The following TAGAP variants were observed in gnomAD, a reference collection of about 807,000 sequenced individuals.
TAGAP encodes the protein T cell activation RhoGTPase activating protein, also known as T-cell activation Rho GTPase-activating protein.
A neutral mutation model predicts 36.0 loss-of-function variants in TAGAP; 16 were observed. That is an observed-to-expected ratio of 0.44 (90% CI 0.30 to 0.68). The LOEUF is 0.68. TAGAP is among the 30% of genes least tolerant of loss of function. The pLI is 0.09. For missense variants in TAGAP, 794 were observed against 921.5 expected, an observed-to-expected ratio of 0.86 and a Z score of 1.79; for synonymous variants, 372 against 377.4, an observed-to-expected ratio of 0.99 and a Z score of 0.17.
Position 159,036,089 on chromosome 6 carries a change from T to A in TAGAP, c.1934A>T (p.Asp645Val), listed in dbSNP as rs773293336. Residue 645 changes from aspartate (D) to valine (V), a missense_variant, in exon 10 of 10, where the codon GAC (aspartate) becomes GTC (valine). Physicochemically the swap from Asp to Val is radical, Grantham distance 152. Transcript: ENST00000367066. This position sits in a 1 kb window ranked among gnomAD's most constrained non-coding sequence, Gnocchi z 4.9. ...PPLPPAHHVE[D>V]SRHRGSKEPL... ...CTCTTTGCTGCCCCTGTGTCTTGAG[T>A]CCTCTACGTGGTGAGCAGGTGGAAG... 6.2e-7 allele frequency: 1 copy of A among 1,613,348 alleles called. No homozygotes were observed. Among genetic ancestry groups the A allele is most frequent in the Admixed American group, 1.7e-5 (1 of 59,978 alleles).
At position 159,044,120 on chromosome 6, in the gene TAGAP, A is replaced by G. The variant is rs1446419442; in HGVS notation, c.27T>C (p.Ala9=). ...GAATGAATGTGAGAGGGGCACTCACAGCATTGTGGCTGCTTCTCAGCTTCA... is the reference window on the plus strand; with the variant it reads ...GAATGAATGTGAGAGGGGCACTCACGGCATTGTGGCTGCTTCTCAGCTTCA... MKLRSSHN[A]SKTLNANNME... The change falls in exon 2 of 10, where the codon GCT becomes GCC. Residue 9 remains alanine (A), a splice_region_variant and synonymous_variant. Coordinates refer to ENST00000367066, the MANE Select transcript of TAGAP (RefSeq NM_054114.5). 6.2e-7 allele frequency: 1 copy of G among 1,613,974 alleles called. No homozygotes were observed. The highest frequency in any genetic ancestry group is 1.7e-5 in the Admixed American group (1 of 59,960).
At chr6:159,043,727 C>T in intron 3 of TAGAP, 72 bp from the exon 4 acceptor site, 12 of 1,413,072 alleles carry the variant, frequency 8.5e-6, no homozygotes, top group Non-Finnish European at 1.2e-5. Flanking sequence ...ACAAAACACA[C>T]ATACAGCATT....
chr6:159,035,853 G>A lies in TAGAP; in HGVS notation c.2170C>T (p.Gln724Ter). Residue 724 changes from glutamine (Q) to a stop codon, truncating the protein, a stop_gained, in exon 10 of 10, where the codon CAA (glutamine) becomes TAA (stop). Coordinates refer to ENST00000367066, the MANE Select transcript of TAGAP (RefSeq NM_054114.5). LOFTEE classifies it high-confidence loss of function. ...SQPVFEADQF[Q>*]YAKESYI Reference sequence around the variant, plus strand: ...TAAATATACGATTCTTTGGCATATTGGAATTGGTCAGCCTCAAAGACCGGC... The same window carrying A: ...TAAATATACGATTCTTTGGCATATTAGAATTGGTCAGCCTCAAAGACCGGC... 1 of 1,603,196 alleles carries A rather than the reference G, an allele frequency of 6.2e-7. No homozygotes were observed. Among genetic ancestry groups the A allele is most frequent in the Middle Eastern group, 1.7e-4 (1 of 6,036 alleles).
chr6:159,039,117 G>A lies in TAGAP; in HGVS notation c.780C>T (p.Asn260=). 1.2e-6 allele frequency: 2 copies of A among 1,614,200 alleles called. No homozygotes were observed. The highest frequency in any genetic ancestry group is 2.2e-5 in the South Asian group (2 of 91,082). The stretch of plus-strand genomic sequence containing the variant: ...CTCATCAGTAAGCAGAACAAACCTT[G>A]TTGTTCAGGTCCTTCTGGGCTTCAA... ...LSFEAQKDLN[N]KVKTLVEFLI... Residue 260 remains asparagine (N), a synonymous_variant, in exon 8 of 10, where the codon AAC becomes AAT. Transcript: ENST00000367066.
At chr6:159,038,849 AAG>A in intron 8 of TAGAP, 1 of 1,306,692 alleles carries the variant, frequency 7.7e-7, no homozygotes, top group Non-Finnish European at 9.9e-7. Context: ...ACAAAAACAA[AAG>A]GGCTTTTTTA....
In TAGAP at chr6:159,036,205, T is replaced by C; in HGVS notation, c.1818A>G (p.Arg606=). 6.2e-7 allele frequency: 1 copy of C among 1,610,542 alleles called. No individual in the cohort carries two copies. Among genetic ancestry groups the C allele is most frequent in the Non-Finnish European group, 8.5e-7 (1 of 1,178,670 alleles). ...CGGTCTGGCTCTCGGAGGCCACTAG[T>C]CTGGCTGCCGGGCCCTGCATGGCCT... The part of the protein sequence containing the change: ...YEEAMQGPAA[R]LVASESQTVG... Residue 606 remains arginine (R), a synonymous_variant, in exon 10 of 10, where the codon AGA becomes AGG. Coordinates refer to ENST00000367066, the MANE Select transcript of TAGAP (RefSeq NM_054114.5). This position sits in a 1 kb window ranked among gnomAD's most constrained non-coding sequence, Gnocchi z 4.9.
At chr6:159,044,764 T>G in intron 1 of TAGAP, 115 bp downstream of exon 1, 1 of 393,830 alleles carries the variant, frequency 2.5e-6, no homozygotes, top group East Asian at 3.6e-5. Flanking sequence ...TGAGACTTTA[T>G]AAAGTGAGAG....
chr6:159,038,626 G>A (rs1430746490), intron 8 of TAGAP, among the ~76,000 whole-genome samples: 1 of 152,044 alleles, frequency 6.6e-6, no homozygotes, highest in Non-Finnish European at 1.5e-5. Context: ...CTGAGCTCAG[G>A]CAATTCGCCT....
chr6:159,044,593 G>T (rs901539994), intron 1 of TAGAP, among the ~76,000 whole-genome samples: 21 of 151,506 alleles, frequency 1.4e-4, no homozygotes, highest in African/African-American at 4.6e-4. Flanking sequence ...GCCAGCTGTC[G>T]TAGTAGGTGC....
In TAGAP at chr6:159,041,345, TG is replaced by T; in HGVS notation, c.477+8del. ...GGCAGGTTATTTGGCGCAAGTGTGT[TG>T]AACTCACCTTAAAGACCACAGCGAG... is the stretch of plus-strand genomic sequence containing the variant. On this transcript the variant is annotated splice_region_variant and intron_variant, in intron 6 of 9. Coordinates refer to ENST00000367066, the MANE Select transcript of TAGAP (RefSeq NM_054114.5). This position sits in a 1 kb window ranked among gnomAD's most constrained non-coding sequence, Gnocchi z 4.1. 6.2e-7 allele frequency: 1 copy of T among 1,612,536 alleles called. No individual in the cohort carries two copies. Among genetic ancestry groups the T allele is most frequent in the Non-Finnish European group, 8.5e-7 (1 of 1,179,618 alleles).
At chr6:159,043,504 T>C in intron 4 of TAGAP, 85 bp downstream of exon 4, 1 of 1,287,724 alleles carries the variant, frequency 7.8e-7, no homozygotes, top group Non-Finnish European at 1.1e-6. Context: ...AAATTCCTAG[T>C]AGAGTAAAAG....
intron 1 of TAGAP, among the ~76,000 whole-genome samples, chr6:159,044,599 G>T (rs1470668638): frequency 6.6e-6 from 1 of 151,508 alleles, no homozygotes; most frequent in African/African-American, 2.4e-5. Context: ...TGTCGTAGTA[G>T]GTGCTTTGCA....
chr6:159,044,055 G>A, intron 2 of TAGAP, 24 bp from the exon 3 acceptor site: 1 of 1,613,472 alleles, frequency 6.2e-7, no homozygotes, highest in Non-Finnish European at 8.5e-7. Flanking sequence ...AATAAAATTA[G>A]GTAAATATCT....
chr6:159,044,059 A>G (rs2114802862), intron 2 of TAGAP, 28 bp from the exon 3 acceptor site: 1 of 1,613,674 alleles, frequency 6.2e-7, no homozygotes, highest in South Asian at 1.1e-5. Context: ...AAATTAGGTA[A>G]ATATCTTTTG....
At position 159,042,250 on chromosome 6, in the gene TAGAP, G is replaced by A. The variant is rs1378038507; in HGVS notation, c.149-6C>T. 1.2e-6 allele frequency: 2 copies of A among 1,603,908 alleles called. No individual in the cohort carries two copies. The highest frequency in any genetic ancestry group is 1.3e-5 in the African/African-American group (1 of 74,108). Reference sequence around the variant, plus strand: ...CTTCTTTCTCTTCTTAACTTCTACAGCCAAGAAAACAAGGCAACGAGAAAA... The same window carrying A: ...CTTCTTTCTCTTCTTAACTTCTACAACCAAGAAAACAAGGCAACGAGAAAA... On this transcript the variant is annotated splice_polypyrimidine_tract_variant and splice_region_variant and intron_variant, in intron 4 of 9. Transcript: ENST00000367066.
chr6:159,038,154 A>G lies in TAGAP; in HGVS notation c.858T>C (p.Ser286=). Residue 286 remains serine (S), a synonymous_variant, in exon 9 of 10, where the codon AGT becomes AGC. Transcript: ENST00000367066. ...IFGENIPVHS[S]ITSDDSLEHT... ...GCTCCAGGGAGTCATCAGAAGTGAT[A>G]CTGGAATGCACTGGAATGTTCTCCC... 1 of 1,613,496 alleles carries G rather than the reference A, an allele frequency of 6.2e-7. No individual in the cohort carries two copies. The highest frequency in any genetic ancestry group is 8.5e-7 in the Non-Finnish European group (1 of 1,179,500).
intron 8 of TAGAP, chr6:159,038,776 A>C (rs970142267): frequency 4.3e-6 from 2 of 463,080 alleles, no homozygotes; most frequent in African/African-American, 4.2e-5. Context: ...AGTATTAATA[A>C]AATTTTCATT....
intron 9 of TAGAP, 61 bp downstream of exon 9, chr6:159,038,053 A>T: frequency 9.3e-7 from 1 of 1,075,982 alleles, no homozygotes; most frequent in Non-Finnish European, 1.4e-6. Context: ...GCTTTACATG[A>T]CTGGCAGACT....
intron 7 of TAGAP, among the ~76,000 whole-genome samples, chr6:159,040,160 T>C (rs1349671704): frequency 3.3e-5 from 5 of 152,240 alleles, no homozygotes; most frequent in African/African-American, 7.2e-5. Flanking sequence ...GATCACACTT[T>C]CCATTGCATA....
Sources: allele counts gnomAD v4.1 joint callset (sites outside exome capture counted in the v4.1 genomes callset), GRCh38; gene constraint gnomAD v4.1.1; non-coding constraint Gnocchi (gnomAD v3.1); transcripts MANE v1.5; gene names NCBI Gene and HGNC (gene_info 2026-07-23, HGNC 2026-07-21).